Variants in DGKG observed in about 807,000 individuals in gnomAD.
DGKG encodes DAG kinase gamma.
A neutral mutation model predicts 105.3 loss-of-function variants in DGKG; 78 were observed. The ratio of observed to expected loss-of-function variants is 0.74; its 90% CI spans 0.62 to 0.89. The LOEUF (loss-of-function observed/expected upper bound fraction) is 0.89. Ranked by LOEUF, DGKG falls within the 40% of genes least tolerant of loss-of-function variation. The pLI is 0.00. For missense variants in DGKG, 958 were observed against 1,020.1 expected, an observed-to-expected ratio of 0.94 and a Z score of 0.83; for synonymous variants, 346 against 367.1, an observed-to-expected ratio of 0.94 and a Z score of 0.66.
At position 186,174,546 on chromosome 3, in the gene DGKG, C is replaced by T. The variant is rs550867378; in HGVS notation, c.2096-9528G>A. On this transcript the variant is annotated intron_variant, in intron 22 of 24. Coordinates refer to ENST00000265022, the MANE Select transcript of DGKG (RefSeq NM_001346.3). ...ACCTTGAGAATTTAGGGTGACTTGCCCCTCTGGCAAGTGAAGCATCTTTAT... is the reference window on the plus strand; with the variant it reads ...ACCTTGAGAATTTAGGGTGACTTGCTCCTCTGGCAAGTGAAGCATCTTTAT... Among the ~76,000 whole-genome samples, 21 of 152,204 alleles carry T rather than the reference C, an allele frequency of 1.4e-4. No individual in the cohort carries two copies. The East Asian group carries it at 4.1e-3, about 29-fold the overall frequency.
intron 3 of DGKG, among the ~76,000 whole-genome samples, 190 bp from the exon 4 acceptor site, chr3:186,298,419 G>A (rs2108614321): frequency 6.6e-6 from 1 of 152,342 alleles, no homozygotes; most frequent in East Asian, 1.9e-4. Flanking sequence ...ACAGGGTGCA[G>A]GGGATGGGTG....
intron 3 of DGKG, 33 bp downstream of exon 3, chr3:186,306,868 G>T (rs770418636): frequency 4.1e-6 from 6 of 1,472,214 alleles, no homozygotes; most frequent in Admixed American, 1.7e-5. Flanking sequence ...AAACACAGGG[G>T]TTTTTAAAGG....
In DGKG at chr3:186,147,362, C is replaced by T; in HGVS notation, c.*2728G>A. 1.0e-6 allele frequency: 1 copy of T among 979,896 alleles called. No individual in the cohort carries two copies. The highest frequency in any genetic ancestry group is 1.2e-6 in the Non-Finnish European group (1 of 824,500). 60.7% of individuals were successfully genotyped at this position (979,896 alleles called of 1,614,324 possible). A position where few individuals can be genotyped will look rare whatever the true frequency, so the allele number is the denominator to read the frequency against. The stretch of plus-strand genomic sequence containing the variant: ...GAGAAGTCACTAAACCTCATTAAGC[C>T]TTGTTCTCCTCATTGAGATCGAGAT... On this transcript the variant is annotated 3_prime_UTR_variant, in exon 25 of 25. Coordinates refer to ENST00000265022, the MANE Select transcript of DGKG (RefSeq NM_001346.3).
intron 13 of DGKG, 168 bp downstream of exon 13, chr3:186,267,517 C>T: frequency 1.7e-6 from 1 of 589,160 alleles, no homozygotes; most frequent in Non-Finnish European, 3.1e-6. Context: ...ACAAACCCTC[C>T]CATGTACTCT....
intron 1 of DGKG, among the ~76,000 whole-genome samples, chr3:186,349,251 A>G (rs1274002949): frequency 1.3e-5 from 2 of 152,032 alleles, no homozygotes; most frequent in Non-Finnish European, 2.9e-5. Context: ...TTCTGTATTT[A>G]TATGTTTAAT....
intron 24 of DGKG, among the ~76,000 whole-genome samples, chr3:186,156,492 A>G (rs1438215102): frequency 6.6e-6 from 1 of 152,110 alleles, no homozygotes; most frequent in Non-Finnish European, 1.5e-5. Context: ...ATAGCATGTT[A>G]TTCAAATTAT....
chr3:186,249,714 C>T (rs1284294887), intron 19 of DGKG, among the ~76,000 whole-genome samples: 5 of 151,992 alleles, frequency 3.3e-5, no homozygotes, highest in South Asian at 4.2e-4. Context: ...TGGTATTGCA[C>T]GCTTGTAACC....
chr3:186,165,118 C>T, intron 22 of DGKG, 100 bp from the exon 23 acceptor site: 1 of 1,277,182 alleles, frequency 7.8e-7, no homozygotes, highest in Non-Finnish European at 1.1e-6. Context: ...ATGTCTGTAT[C>T]CCTTCATCTC....
chr3:186,153,615 G>A (rs1432530920), intron 24 of DGKG, among the ~76,000 whole-genome samples: 1 of 152,168 alleles, frequency 6.6e-6, no homozygotes, highest in Non-Finnish European at 1.5e-5. Flanking sequence ...GAATAAAAAT[G>A]TGAACTTCAC....
At chr3:186,267,640 A>G in intron 13 of DGKG, 45 bp downstream of exon 13, 1 of 1,510,304 alleles carries the variant, frequency 6.6e-7, no homozygotes, top group Non-Finnish European at 9.2e-7. Context: ...ATCTGAAACC[A>G]GAACCCGGAG....
At chr3:186,178,957 T>TAAAA (rs1717226070) in intron 22 of DGKG, among the ~76,000 whole-genome samples, 1 of 152,210 alleles carries the variant, frequency 6.6e-6, no homozygotes, top group Non-Finnish European at 1.5e-5. Context: ...AAATTTATTC[T>TAAAA]TGATATTCTT....
In DGKG at chr3:186,161,682, AGAGAACACAGT is replaced by A. The variant is rs1716298670; in HGVS notation, c.2217-30_2217-20del. The A allele has an allele frequency of 6.2e-7, 1 of 1,614,222 alleles. No individual in the cohort carries two copies. ...GTTTGTCCTGGAACCCAGAACACCA[AGAGAACACAGT>A]GAGCTTTTTCAAGTGGGAGAATCAA... On this transcript the variant is annotated intron_variant, in intron 23 of 24. Transcript: ENST00000265022.
chr3:186,170,016 C>T lies in DGKG; in HGVS notation c.2096-4998G>A, dbSNP rs543705060. ...GAGAGGTGCTGTGAAAAGCACTAGCCGATGCACAAATTCCACCTGTAGTCC... is the reference window on the plus strand; with the variant it reads ...GAGAGGTGCTGTGAAAAGCACTAGCTGATGCACAAATTCCACCTGTAGTCC... On this transcript the variant is annotated intron_variant, in intron 22 of 24. Transcript: ENST00000265022. Among the ~76,000 whole-genome samples the T allele has an allele frequency of 1.2e-4, 19 of 152,196 alleles. No homozygotes were observed. The South Asian group carries it at 2.3e-3, about 18-fold the overall frequency.
intron 20 of DGKG, among the ~76,000 whole-genome samples, chr3:186,234,306 C>T (rs893170449): frequency 2.0e-5 from 3 of 152,232 alleles, no homozygotes; most frequent in African/African-American, 4.8e-5. Context: ...ACCTTCTCAA[C>T]CTCTCCCTTC....
intron 12 of DGKG, 115 bp downstream of exon 12, chr3:186,268,686 G>C (rs895250904): frequency 7.0e-6 from 5 of 713,020 alleles, no homozygotes; most frequent in African/African-American, 3.5e-5. Context: ...GGTCCTCCTA[G>C]CCTCGCTCCC....
chr3:186,187,960 G>T (rs1004502299), intron 22 of DGKG, among the ~76,000 whole-genome samples: 6 of 152,198 alleles, frequency 3.9e-5, no homozygotes, highest in Admixed American at 1.3e-4. Flanking sequence ...GGCAGCATTT[G>T]ACTCTGAACC....
At chr3:186,238,292 TAAAAAA>T (rs5855085) in intron 20 of DGKG, among the ~76,000 whole-genome samples, 3 of 81,268 alleles carry the variant, frequency 3.7e-5, no homozygotes, top group Non-Finnish European at 6.5e-5. Flanking sequence ...TGACTCTTTC[TAAAAAA>T]AAAAAAAAAA....
intron 2 of DGKG, among the ~76,000 whole-genome samples, chr3:186,311,369 C>G (rs1724533879): frequency 6.6e-6 from 1 of 152,114 alleles, no homozygotes; most frequent in African/African-American, 2.4e-5. Flanking sequence ...AGACATTATC[C>G]ATTGTTTAAG....
intron 2 of DGKG, among the ~76,000 whole-genome samples, chr3:186,307,668 AC>A (rs1724315478): frequency 2.0e-5 from 3 of 152,248 alleles, no homozygotes; most frequent in Admixed American, 2.0e-4. Context: ...TGTCTATCAT[AC>A]TAAGGTCTGA....
Sources: gnomAD v4.1 joint callset for allele counts (sites outside exome capture counted in the v4.1 genomes callset) on GRCh38, gnomAD v4.1.1 for gene constraint, MANE v1.5 for transcripts, NCBI Gene and HGNC (gene_info 2026-07-23, HGNC 2026-07-21) for gene names.